NR3C1: variants seen among roughly 807,000 people sequenced by gnomAD.
NR3C1 encodes the protein nuclear receptor subfamily 3 group C member 1, also known as glucocorticoid receptor.
NR3C1 carries 14 observed loss-of-function variants against 74.0 expected under a neutral mutation model. That is an observed-to-expected ratio of 0.19 (90% CI 0.12 to 0.30). NR3C1 has a LOEUF of 0.30. Among genes scored for constraint, NR3C1 ranks in the 10% least tolerant of loss-of-function variants. NR3C1 has a pLI of 1.00. For synonymous variants in NR3C1, 308 were observed against 332.5 expected, an observed-to-expected ratio of 0.93 and a Z score of 0.80; for missense variants, 695 against 909.8, an observed-to-expected ratio of 0.76 and a Z score of 3.04.
chr5:143,387,217 T>C (rs1427279304), intron 2 of NR3C1, among the ~76,000 whole-genome samples: 1 of 152,208 alleles, frequency 6.6e-6, no homozygotes, highest in African/African-American at 2.4e-5. Context: ...CTCAGGGTCT[T>C]TGTGGTCTCA....
rs1032279826 is a variant in NR3C1 at position 143,403,466 on chromosome 5, C to G, written c.-269G>C. On this transcript the variant is annotated 5_prime_UTR_variant, in exon 1 of 9. Transcript: ENST00000394464. ...CGGGTCGAGGTTCCGGGCGCGCGTG[C>G]CCCGTCCCGGTCCCAGCTGCTTCGG... 14 of 984,968 alleles carry G rather than the reference C, an allele frequency of 1.4e-5. No individual in the cohort carries two copies. Among genetic ancestry groups the G allele is most frequent in the Non-Finnish European group, 1.7e-5 (14 of 829,906 alleles). The allele number at this position is 984,968 out of a possible 1,614,324, so 61.0% of individuals were successfully genotyped here. A position where few individuals can be genotyped will look rare whatever the true frequency, so the allele number is the denominator to read the frequency against.
Position 143,300,445 on chromosome 5 carries a change from A to ATT in NR3C1, c.1747+39_1747+40insAA. 6.2e-7 allele frequency: 1 copy of ATT among 1,613,634 alleles called. No homozygotes were observed. The highest frequency in any genetic ancestry group is 1.1e-5 in the South Asian group (1 of 91,050). ...AAAGTGTTTTTGCTGAAGAAAACAC[A>ATT]AAGGTTTATATAGTTGCTCTTTTAT... On this transcript the variant is annotated intron_variant, in intron 5 of 8. Transcript: ENST00000394464. This position sits in a 1 kb window ranked among gnomAD's most constrained non-coding sequence, Gnocchi z 5.2.
Position 143,403,505 on chromosome 5 carries a change from G to C in NR3C1, c.-308C>G. 1.0e-6 allele frequency: 1 copy of C among 985,228 alleles called. No individual in the cohort carries two copies. Among genetic ancestry groups the C allele is most frequent in the South Asian group, 4.7e-5 (1 of 21,278 alleles). 61.0% of individuals were successfully genotyped at this position (985,228 alleles called of 1,614,324 possible). A position where few individuals can be genotyped will look rare whatever the true frequency, so the allele number is the denominator to read the frequency against. ...CAGCTGCTTCGGCCGCTCCGGCTGC[G>C]GCGTCTCCTTCCACCCACAGAATCC... On this transcript the variant is annotated 5_prime_UTR_variant, in exon 1 of 9. Coordinates refer to ENST00000394464, the MANE Select transcript of NR3C1 (RefSeq NM_000176.3).
chr5:143,324,722 C>T (rs999423667), intron 2 of NR3C1, among the ~76,000 whole-genome samples: 4 of 152,178 alleles, frequency 2.6e-5, no homozygotes, highest in East Asian at 3.8e-4. Flanking sequence ...AAGTTTTATG[C>T]TGTTTCCCTT....
At chr5:143,392,365 T>G (rs1020522644) in intron 2 of NR3C1, among the ~76,000 whole-genome samples, 1 of 152,224 alleles carries the variant, frequency 6.6e-6, no homozygotes, top group African/African-American at 2.4e-5. Flanking sequence ...CAAAAAGCAG[T>G]AAGTGACTTT....
intron 7 of NR3C1, among the ~76,000 whole-genome samples, chr5:143,283,348 T>G (rs1813550771): frequency 6.6e-6 from 1 of 152,232 alleles, no homozygotes; most frequent in South Asian, 2.1e-4. Context: ...AATCACTTGA[T>G]TTCTCATCTA....
chr5:143,360,895 A>T (rs1832106651), intron 2 of NR3C1, among the ~76,000 whole-genome samples: 1 of 152,194 alleles, frequency 6.6e-6, no homozygotes, highest in Admixed American at 6.5e-5. Context: ...GCTACACTGC[A>T]GGGTACCAGG....
At chr5:143,333,947 C>A (rs529518237) in intron 2 of NR3C1, among the ~76,000 whole-genome samples, 1 of 152,320 alleles carries the variant, frequency 6.6e-6, no homozygotes. Context: ...TTGTCATACT[C>A]TTAGGTGACA....
At chr5:143,294,701 G>GCCTTTT (rs1561491144) in intron 7 of NR3C1, among the ~76,000 whole-genome samples, 2 of 151,846 alleles carry the variant, frequency 1.3e-5, no homozygotes, top group Non-Finnish European at 2.9e-5. Flanking sequence ...TCACAGTTTT[G>GCCTTTT]CCTTTTATGG....
At position 143,370,657 on chromosome 5, in the gene NR3C1, G is replaced by A. The variant is rs78188345; in HGVS notation, c.1184+28999C>T. Among the ~76,000 whole-genome samples, 283 of 152,348 alleles carry A rather than the reference G, an allele frequency of 1.9e-3. 2 individuals carry two copies. The highest frequency in any genetic ancestry group is 0.017 in the East Asian group (87 of 5,190). On this transcript the variant is annotated intron_variant, in intron 2 of 8. Coordinates refer to ENST00000394464, the MANE Select transcript of NR3C1 (RefSeq NM_000176.3). ...GCAAGGTCGGCATTTAGCTGAAGCT[G>A]TATTGGTCTGGCTTCAGCCTATTAC...
chr5:143,382,800 G>T lies in NR3C1; in HGVS notation c.1184+16856C>A, dbSNP rs138046950. Among the ~76,000 whole-genome samples, 248 of 152,262 alleles carry T rather than the reference G, an allele frequency of 1.6e-3. 1 individual carries two copies. Among genetic ancestry groups the T allele is most frequent in the Non-Finnish European group, 2.2e-3 (152 of 68,012 alleles). ...ATACTTCTTCGTGGTTTGTGTACTG[G>T]GTACAGGGATGAAGACTGGCACCTT... On this transcript the variant is annotated intron_variant, in intron 2 of 8. Coordinates refer to ENST00000394464, the MANE Select transcript of NR3C1 (RefSeq NM_000176.3).
intron 7 of NR3C1, chr5:143,295,004 A>G (rs973811909): frequency 1.7e-5 from 17 of 985,282 alleles, no homozygotes; most frequent in Non-Finnish European, 1.9e-5. Context: ...ATGCTATGTT[A>G]ACCAATCCCC....
intron 2 of NR3C1, among the ~76,000 whole-genome samples, chr5:143,391,803 A>G (rs1274171706): frequency 6.6e-6 from 1 of 152,192 alleles, no homozygotes; most frequent in African/African-American, 2.4e-5. Context: ...TGCACATAGC[A>G]GACCCTAAAA....
intron 2 of NR3C1, among the ~76,000 whole-genome samples, chr5:143,392,788 T>C (rs1204463892): frequency 6.6e-6 from 1 of 152,202 alleles, no homozygotes; most frequent in Admixed American, 6.5e-5. Flanking sequence ...ACACTGTATA[T>C]TTTAAAAATC....
At chr5:143,434,121 C>T (rs1752005142) in intron 1 of NR3C1, among the ~76,000 whole-genome samples, 1 of 152,180 alleles carries the variant, frequency 6.6e-6, no homozygotes, top group African/African-American at 2.4e-5. Context: ...TCAGAGAAGC[C>T]CCTCCGCCAC....
chr5:143,390,691 T>C (rs1222909605), intron 2 of NR3C1, among the ~76,000 whole-genome samples: 2 of 152,190 alleles, frequency 1.3e-5, no homozygotes, highest in Non-Finnish European at 2.9e-5. Flanking sequence ...ATAGTCACCC[T>C]GGGAAGCTAT....
upstream of NR3C1, chr5:143,405,041 A>G (rs1236255408): frequency 1.2e-5 from 10 of 825,088 alleles, no homozygotes; most frequent in Admixed American, 6.2e-5. Context: ...CTGAGAAAGG[A>G]GAGGGCCGTG....
intron 2 of NR3C1, among the ~76,000 whole-genome samples, chr5:143,366,065 G>A (rs577248015): frequency 4.5e-4 from 68 of 152,010 alleles, no homozygotes; most frequent in Non-Finnish European, 8.4e-4. Context: ...AAAGAAGTAA[G>A]AATTCAAATC....
At chr5:143,378,560 TA>T (rs1422404706) in intron 2 of NR3C1, among the ~76,000 whole-genome samples, 1 of 152,198 alleles carries the variant, frequency 6.6e-6, no homozygotes, top group East Asian at 1.9e-4. Flanking sequence ...TGAGAACACT[TA>T]CCTGGTACCT....
Sources: allele counts gnomAD v4.1 joint callset (sites outside exome capture counted in the v4.1 genomes callset), GRCh38; gene constraint gnomAD v4.1.1; non-coding constraint Gnocchi (gnomAD v3.1); transcripts MANE v1.5; gene names NCBI Gene and HGNC (gene_info 2026-07-23, HGNC 2026-07-21).